Variants in POLB observed in about 807,000 individuals in gnomAD.
The protein encoded by POLB is DNA polymerase beta.
A neutral mutation model predicts 52.7 loss-of-function variants in POLB; 37 were observed. The observed-to-expected ratio is 0.70, with a 90% CI of 0.54 to 0.92. The LOEUF (loss-of-function observed/expected upper bound fraction) is 0.92. POLB is among the 40% of genes least tolerant of loss of function. The pLI, the probability that POLB is intolerant of heterozygous loss-of-function variation, is 0.00. For synonymous variants in POLB, 138 were observed against 131.3 expected, an observed-to-expected ratio of 1.05 and a Z score of -0.35; for missense variants, 313 against 400.8, an observed-to-expected ratio of 0.78 and a Z score of 1.87.
At chr8:42,368,492 C>T (rs1345322692) in intron 11 of POLB, among the ~76,000 whole-genome samples, 1 of 152,116 alleles carries the variant, frequency 6.6e-6, no homozygotes, top group African/African-American at 2.4e-5. Flanking sequence ...TAGAATGTAG[C>T]ATTTGATACT....
chr8:42,339,259 G>A, intron 2 of POLB, 190 bp downstream of exon 2: 1 of 598,146 alleles, frequency 1.7e-6, no homozygotes, highest in Admixed American at 2.9e-5. Flanking sequence ...GTTCAGATAA[G>A]TTCCCAATTC....
Position 42,342,312 on chromosome 8 carries a change from C to G in POLB, c.120-2641C>G, listed in dbSNP as rs574255483. On this transcript the variant is annotated intron_variant, in intron 2 of 13. Transcript: ENST00000265421. The stretch of plus-strand genomic sequence containing the variant: ...TGTCCATGCCAAACCTATTGAGAAG[C>G]CTGTGGGCCAGCAGCAGGCCAGTAC... 39 of 1,530,770 alleles carry G rather than the reference C, an allele frequency of 2.5e-5. No individual in the cohort carries two copies. In the African/African-American group the frequency reaches 4.2e-4, roughly 17 times the overall value. The allele number at this position is 1,530,770 out of a possible 1,614,324, so 94.8% of individuals were successfully genotyped here. A position where few individuals can be genotyped will look rare whatever the true frequency, so the allele number is the denominator to read the frequency against.
At chr8:42,347,592 T>TAGAAAGTAGCTTGGGTCTGAATTGCTTG (rs1822715548) in intron 3 of POLB, among the ~76,000 whole-genome samples, 1 of 152,108 alleles carries the variant, frequency 6.6e-6, no homozygotes, top group Non-Finnish European at 1.5e-5. Context: ...ATGTTTGGTA[T>TAGAAAGTAGCTTGGGTCTGAATTGCTTG]AGAAAGTAGC....
In POLB at chr8:42,363,824, C is replaced by G. The variant is rs557827040; in HGVS notation, c.708+1126C>G. ...AAAGTTGATTGGGGGGGAATTAAGA[C>G]TTAATAATTCAAGATGAATGGCTAG... On this transcript the variant is annotated intron_variant, in intron 11 of 13. Coordinates refer to ENST00000265421, the MANE Select transcript of POLB (RefSeq NM_002690.3). Among the ~76,000 whole-genome samples the G allele has an allele frequency of 2.0e-3, 303 of 151,556 alleles. 3 individuals are homozygous for G. In the Middle Eastern group the frequency reaches 0.024, roughly 12 times the overall value.
rs759976060 is a variant in POLB at position 42,344,949 on chromosome 8, A to G, written c.120-4A>G. The G allele has an allele frequency of 7.0e-6, 11 of 1,579,438 alleles. No homozygotes were observed. The highest frequency in any genetic ancestry group is 2.2e-5 in the South Asian group (2 of 90,086). ...TTGGTTTTCCTTTTCTTCTTTCCTT[A>G]TAGAAAAGCAGCATCTGTTATAGCA... On this transcript the variant is annotated splice_region_variant and splice_polypyrimidine_tract_variant and intron_variant, in intron 2 of 13. Transcript: ENST00000265421.
intron 9 of POLB, 149 bp from the exon 10 acceptor site, chr8:42,361,146 T>C (rs1272671444): frequency 1.4e-6 from 1 of 708,284 alleles, no homozygotes; most frequent in Admixed American, 2.0e-5. Context: ...AAAATTGAAA[T>C]CTTTTAACTA....
At chr8:42,341,747 C>A in intron 2 of POLB, 1 of 377,182 alleles carries the variant, frequency 2.7e-6, no homozygotes. Flanking sequence ...CTGAAAAATC[C>A]TCGTAGAAAA....
chr8:42,350,147 C>A, intron 5 of POLB, 82 bp downstream of exon 5: 1 of 912,664 alleles, frequency 1.1e-6, no homozygotes, highest in South Asian at 1.3e-5. Flanking sequence ...TGCTGTTTCT[C>A]AAAACCTGTA....
chr8:42,370,259 G>GTTTTTTTTTT (rs34271342), intron 13 of POLB: 13 of 290,566 alleles, frequency 4.5e-5, no homozygotes, highest in Non-Finnish European at 8.0e-5. Flanking sequence ...ATCTAAAAGG[G>GTTTTTTTTTT]TTTTTTTTTT....
chr8:42,369,670 A>T, intron 12 of POLB, 179 bp from the exon 13 acceptor site: 1 of 526,754 alleles, frequency 1.9e-6, no homozygotes, highest in Non-Finnish European at 3.3e-6. Flanking sequence ...ACAGAAACCT[A>T]AACAAATTAC....
At chr8:42,358,527 A>G (rs1236540222) in intron 9 of POLB, among the ~76,000 whole-genome samples, 1 of 152,192 alleles carries the variant, frequency 6.6e-6, no homozygotes, top group Non-Finnish European at 1.5e-5. Context: ...TTAACTTTTA[A>G]AATTGGAATA....
chr8:42,362,351 C>T (rs1227166797), intron 10 of POLB, among the ~76,000 whole-genome samples: 5 of 151,330 alleles, frequency 3.3e-5, no homozygotes, highest in East Asian at 1.9e-4. Context: ...GTTTTCTTCC[C>T]GGGCTCGATT....
intron 12 of POLB, 37 bp downstream of exon 12, chr8:42,369,372 T>C: frequency 1.6e-6 from 2 of 1,227,542 alleles, no homozygotes; most frequent in Non-Finnish European, 2.4e-6. Flanking sequence ...TGTTAACTTT[T>C]CCAAACTTGT....
Position 42,338,610 on chromosome 8 carries a change from C to T in POLB, c.-15C>T, listed in dbSNP as rs767099838. The T allele has an allele frequency of 6.2e-7, 1 of 1,613,056 alleles. No homozygotes were observed. The highest frequency in any genetic ancestry group is 8.5e-7 in the Non-Finnish European group (1 of 1,179,024). On this transcript the variant is annotated 5_prime_UTR_variant, in exon 1 of 14. Coordinates refer to ENST00000265421, the MANE Select transcript of POLB (RefSeq NM_002690.3). ...CTGGTTCTGAACACTCTGGGGTTCT[C>T]GGGTGCAGGCCGCCATGAGCAAACG...
chr8:42,362,768 G>A, intron 11 of POLB, 70 bp downstream of exon 11: 1 of 775,652 alleles, frequency 1.3e-6, no homozygotes, highest in Non-Finnish European at 2.3e-6. Context: ...TTCTGAGTGT[G>A]TGACTTCATG....
At chr8:42,339,689 A>G (rs1822072581) in intron 2 of POLB, 1 of 151,128 alleles carries the variant, frequency 6.6e-6, no homozygotes, top group Non-Finnish European at 1.5e-5. Flanking sequence ...TGGGACTACT[A>G]CAGGCGCACG....
rs754170268 is a variant in POLB, at chr8:42,357,165, A to G, written c.423-4A>G. ...TCTTTTGTCTACTTATTCTGTCTTT[A>G]TAGATATTTTGGGGACTTTGAAAAA... On this transcript the variant is annotated splice_region_variant and splice_polypyrimidine_tract_variant and intron_variant, in intron 7 of 13. Coordinates refer to ENST00000265421, the MANE Select transcript of POLB (RefSeq NM_002690.3). 1.3e-6 allele frequency: 2 copies of G among 1,484,612 alleles called. No individual in the cohort carries two copies. Among genetic ancestry groups the G allele is most frequent in the Non-Finnish European group, 1.9e-6 (2 of 1,065,908 alleles). 92.0% of individuals were successfully genotyped at this position (1,484,612 alleles called of 1,614,324 possible).
chr8:42,346,790 G>A (rs1822644756), intron 3 of POLB, among the ~76,000 whole-genome samples: 1 of 152,146 alleles, frequency 6.6e-6, no homozygotes, highest in Non-Finnish European at 1.5e-5. Flanking sequence ...CATTCAACAT[G>A]TGCCACATCT....
chr8:42,371,628 T>C lies in POLB; in HGVS notation c.979T>C (p.Tyr327His). 1.2e-6 allele frequency: 2 copies of C among 1,612,644 alleles called. No individual in the cohort carries two copies. Among genetic ancestry groups the C allele is most frequent in the Non-Finnish European group, 1.7e-6 (2 of 1,178,752 alleles). Residue 327 changes from tyrosine to histidine, a missense_variant, in exon 14 of 14, where the codon TAC becomes CAC. Physicochemically the swap from Tyr to His is moderately conservative, Grantham distance 83. Around this residue, in one of 3 missense-constraint regions of POLB, gnomAD observed 246 missense variants for 297.6 expected, o/e 0.83. Transcript: ENST00000265421. Reference protein sequence around the residue: ...KDIFDYIQWKYREPKDRSE With the variant: ...KDIFDYIQWKHREPKDRSE Reference sequence around the variant, plus strand: ...CATCTTTGATTACATCCAGTGGAAATACCGGGAACCCAAGGACCGGAGCGA... The same window carrying C: ...CATCTTTGATTACATCCAGTGGAAACACCGGGAACCCAAGGACCGGAGCGA...
Sources: allele counts gnomAD v4.1 joint callset (sites outside exome capture counted in the v4.1 genomes callset), GRCh38; gene constraint gnomAD v4.1.1; regional missense constraint gnomAD v4.1.1; transcripts MANE v1.5; gene names NCBI Gene and HGNC (gene_info 2026-07-23, HGNC 2026-07-21).